The following NPC1 variants were observed in gnomAD, a reference collection of about 807,000 sequenced individuals.
The protein encoded by NPC1 is NPC intracellular cholesterol transporter 1, also known as Niemann-Pick C1 protein.
Under a neutral mutation model 140.4 loss-of-function variants are expected in NPC1, and 85 were observed. That is an observed-to-expected ratio of 0.61 (90% CI 0.51 to 0.72). The LOEUF is 0.72. Ranked by LOEUF, NPC1 falls within the 30% of genes least tolerant of loss-of-function variation. The pLI is 0.00. For synonymous variants in NPC1, 656 were observed against 624.8 expected (o/e 1.05, Z -0.74); for missense variants, 1,504 against 1,623.8 (o/e 0.93, Z 1.27).
At chr18:23,508,947 C>T (rs1247178959) in intron 3 of NPC1, among the ~76,000 whole-genome samples, 1 of 152,166 alleles carries the variant, frequency 6.6e-6, no homozygotes, top group Non-Finnish European at 1.5e-5. Context: ...AGTTACTTTT[C>T]TACAAAACAC....
chr18:23,569,677 T>A (rs1433769903), intron 3 of NPC1, among the ~76,000 whole-genome samples: 1 of 152,228 alleles, frequency 6.6e-6, no homozygotes, highest in African/African-American at 2.4e-5. Flanking sequence ...CTTCATCTTA[T>A]AACCTATTGA....
intron 1 of NPC1, among the ~76,000 whole-genome samples, chr18:23,581,284 G>T (rs1397387984): frequency 6.6e-6 from 1 of 152,210 alleles, no homozygotes; most frequent in Non-Finnish European, 1.5e-5. Context: ...ACTACTGGAA[G>T]AGCCACACTG....
At chr18:23,542,455 C>T (rs747035006) in intron 14 of NPC1, among the ~76,000 whole-genome samples, 18 of 152,042 alleles carry the variant, frequency 1.2e-4, no homozygotes, top group Non-Finnish European at 2.1e-4. Flanking sequence ...GTTTGTGGCC[C>T]GTGGATGGTC....
rs762957434 is a variant in NPC1, at chr18:23,541,228, CAA to C, written c.2374-22_2374-21del. On this transcript the variant is annotated intron_variant, in intron 15 of 24. Transcript: ENST00000269228. ...ATTTTTCTGAGGGGACAGAGGGAAA[CAA>C]AGGTTATACCCGCTAGCTGCTTCCT... 6.2e-7 allele frequency: 1 copy of C among 1,614,208 alleles called. No individual in the cohort carries two copies. Among genetic ancestry groups the C allele is most frequent in the East Asian group, 2.2e-5 (1 of 44,888 alleles).
chr18:23,536,953 G>C (rs569947080), intron 20 of NPC1, 77 bp from the exon 21 acceptor site: 20 of 1,192,564 alleles, frequency 1.7e-5, no homozygotes, highest in Non-Finnish European at 2.2e-5. Flanking sequence ...TTGAGGCTAA[G>C]CAAAATCACC....
At chr18:23,584,087 T>C (rs1307800599) in intron 1 of NPC1, among the ~76,000 whole-genome samples, 3 of 152,226 alleles carry the variant, frequency 2.0e-5, no homozygotes, top group African/African-American at 4.8e-5. Flanking sequence ...CAAAACTGCA[T>C]ATAGTTTTTA....
In NPC1 at chr18:23,568,915, G is replaced by C; in HGVS notation, c.371C>G (p.Thr124Arg). Residue 124 changes from threonine (T) to arginine (R), a missense_variant, in exon 4 of 25, where the codon ACA becomes AGA. Physicochemically the swap from Thr to Arg is moderately conservative, Grantham distance 71 (BLOSUM62 -1). Transcript: ENST00000269228. ...SPRQSQFLNV[T>R]ATEDYVDPVT... ...AGGATCAACATAATCTTCAGTAGCT[G>C]TAACATTCAAAAACTGACTCTGTCG... 6.2e-7 allele frequency: 1 copy of C among 1,613,744 alleles called. No individual in the cohort carries two copies. Among genetic ancestry groups the C allele is most frequent in the Non-Finnish European group, 8.5e-7 (1 of 1,179,664 alleles).
chr18:23,528,333 G>A (rs549644503), downstream of NPC1: 79 of 160,626 alleles, frequency 4.9e-4, no homozygotes, highest in Non-Finnish European at 9.3e-4. Context: ...AGATAGTGAC[G>A]ATTCAGTGTT....
chr18:23,560,677 C>T (rs2059025406), intron 5 of NPC1, among the ~76,000 whole-genome samples, 197 bp from the exon 6 acceptor site: 1 of 152,182 alleles, frequency 6.6e-6, no homozygotes, highest in African/African-American at 2.4e-5. Flanking sequence ...AATAAACTTG[C>T]GCGTAGGGGT....
chr18:23,581,596 T>C (rs1237706901), intron 1 of NPC1, among the ~76,000 whole-genome samples: 1 of 152,076 alleles, frequency 6.6e-6, no homozygotes, highest in Non-Finnish European at 1.5e-5. Flanking sequence ...TGGAGTACTA[T>C]GCAAAATTTG....
chr18:23,550,200 C>T lies in NPC1; in HGVS notation c.1654+1427G>A, dbSNP rs144099969. 5.9e-3 allele frequency among the ~76,000 whole-genome samples: 898 copies of T among 151,640 alleles called. 3 individuals are homozygous for T. Among genetic ancestry groups the T allele is most frequent in the Middle Eastern group, 0.017 (5 of 290 alleles). On this transcript the variant is annotated intron_variant, in intron 10 of 24. Transcript: ENST00000269228. Reference sequence around the variant, plus strand: ...CTAATTTTTGTATTTTTTGCAGAGACGGGGTTTCTCCATGTTGCTCAGGCT... The same window carrying T: ...CTAATTTTTGTATTTTTTGCAGAGATGGGGTTTCTCCATGTTGCTCAGGCT...
chr18:23,565,330 G>A (rs1048675319), intron 4 of NPC1, among the ~76,000 whole-genome samples: 7 of 151,956 alleles, frequency 4.6e-5, no homozygotes, highest in East Asian at 3.9e-4. Flanking sequence ...CGTTAATTTC[G>A]CTGAATAATG....
At chr18:23,555,028 C>G in intron 8 of NPC1, 44 bp from the exon 9 acceptor site, 1 of 1,232,054 alleles carries the variant, frequency 8.1e-7, no homozygotes, top group Non-Finnish European at 1.2e-6. Context: ...AAACACGTCA[C>G]ATTTCTCTCA....
At chr18:23,515,108 G>A (rs1162519416) in intron 3 of NPC1, among the ~76,000 whole-genome samples, 4 of 152,174 alleles carry the variant, frequency 2.6e-5, no homozygotes, top group Non-Finnish European at 5.9e-5. Context: ...AGGTGGCCGA[G>A]TTAACACATG....
Position 23,560,381 on chromosome 18 carries a change from G to A in NPC1, c.731C>T (p.Ser244Phe). ...CTGGGGCTTGGGGCCACAGACAATA[G>A]AGCAGTCTTGGCAGCTACATGGTGC... ...VTAPCSCQDC[S>F]IVCGPKPQPP... Residue 244 changes from serine (S) to phenylalanine (F), a missense_variant, in exon 6 of 25, where the codon TCT becomes TTT. Transcript: ENST00000269228. 6.2e-7 allele frequency: 1 copy of A among 1,614,258 alleles called. No individual in the cohort carries two copies. Among genetic ancestry groups the A allele is most frequent in the Non-Finnish European group, 8.5e-7 (1 of 1,180,056 alleles).
At chr18:23,523,543 CAAA>C (rs374224848) in intron 1 of NPC1, among the ~76,000 whole-genome samples, 1 of 76,406 alleles carries the variant, frequency 1.3e-5, no homozygotes, top group African/African-American at 5.7e-5. Context: ...CTTGTCTTCA[CAAA>C]AAAAAAAAAA....
intron 2 of NPC1, among the ~76,000 whole-genome samples, chr18:23,572,994 C>T (rs557068252): frequency 1.3e-5 from 2 of 152,200 alleles, no homozygotes; most frequent in Middle Eastern, 6.8e-3. Context: ...AAAAAAAGAA[C>T]AGGAATCAGA....
downstream of NPC1, chr18:23,527,802 T>A: frequency 6.2e-7 from 1 of 1,613,926 alleles, no homozygotes; most frequent in Non-Finnish European, 8.5e-7. Context: ...CAGTGTTAAG[T>A]GAGTCAGACA....
intron 7 of NPC1, among the ~76,000 whole-genome samples, chr18:23,556,899 C>T (rs1263205008): frequency 3.3e-5 from 5 of 152,250 alleles, no homozygotes; most frequent in South Asian, 2.1e-4. Flanking sequence ...CTGCTGCTTT[C>T]GCGCCTCCCC....
Sources: allele counts gnomAD v4.1 joint callset (sites outside exome capture counted in the v4.1 genomes callset), GRCh38; gene constraint gnomAD v4.1.1; transcripts MANE v1.5; gene names NCBI Gene and HGNC (gene_info 2026-07-23, HGNC 2026-07-21).